RPS6KC1: variants seen among roughly 807,000 people sequenced by gnomAD.
The protein encoded by RPS6KC1 is inactive ribosomal protein S6 kinase delta-1.
A neutral mutation model predicts 103.8 loss-of-function variants in RPS6KC1; 54 were observed. That is an observed-to-expected ratio of 0.52 (90% CI 0.42 to 0.65). RPS6KC1 has a LOEUF of 0.65. Among genes scored for constraint, RPS6KC1 ranks in the 30% least tolerant of loss-of-function variants. RPS6KC1 has a pLI of 0.00. For synonymous variants in RPS6KC1, 439 were observed against 438.7 expected (o/e 1.00, Z -0.01); for missense variants, 1,151 against 1,253.8 (o/e 0.92, Z 1.24).
chr1:213,719,556 C>CG, the RPS6KC1 span, among the ~76,000 whole-genome samples: 2 of 138,406 alleles, frequency 1.4e-5, no homozygotes, highest in Admixed American at 1.5e-4. Context: ...TTTCTTAGTT[C>CG]GTTTTTTTTA....
At chr1:213,268,690 A>G (rs1231054224) in intron 14 of RPS6KC1, among the ~76,000 whole-genome samples, 1 of 150,972 alleles carries the variant, frequency 6.6e-6, no homozygotes, top group South Asian at 2.1e-4. Context: ...AAATATGACA[A>G]TAATAGACAA....
the RPS6KC1 span, among the ~76,000 whole-genome samples, chr1:213,495,307 T>C: frequency 6.6e-6 from 1 of 152,082 alleles, no homozygotes; most frequent in Admixed American, 6.6e-5. Flanking sequence ...TCTTCTAATA[T>C]GCACCCCCAC....
chr1:213,598,642 G>A, the RPS6KC1 span, among the ~76,000 whole-genome samples: 1 of 152,150 alleles, frequency 6.6e-6, no homozygotes, highest in African/African-American at 2.4e-5. Context: ...TTTAGGCCGG[G>A]TGTGGTGGCT....
At chr1:213,406,118 T>C in the RPS6KC1 span, among the ~76,000 whole-genome samples, 1 of 152,196 alleles carries the variant, frequency 6.6e-6, no homozygotes, top group African/African-American at 2.4e-5. Context: ...GAGGGGCCAG[T>C]GACCCGGAGT....
intron 8 of RPS6KC1, among the ~76,000 whole-genome samples, chr1:213,189,583 C>T (rs1342291709): frequency 2.6e-5 from 4 of 151,734 alleles, no homozygotes; most frequent in South Asian, 2.1e-4. Context: ...TACAGGGATG[C>T]AATGTGTAAT....
intron 7 of RPS6KC1, among the ~76,000 whole-genome samples, chr1:213,175,703 T>C (rs2091820607): frequency 6.6e-6 from 1 of 152,156 alleles, no homozygotes; most frequent in Admixed American, 6.5e-5. Context: ...ATCTTTTTTG[T>C]AGCTAACAGA....
the RPS6KC1 span, among the ~76,000 whole-genome samples, chr1:213,611,211 CCT>C: frequency 2.0e-5 from 3 of 152,182 alleles, no homozygotes; most frequent in East Asian, 5.8e-4. Flanking sequence ...AATGTTCTGG[CCT>C]CTCTGTCTCT....
chr1:213,741,016 A>G, the RPS6KC1 span, among the ~76,000 whole-genome samples: 3 of 148,790 alleles, frequency 2.0e-5, no homozygotes, highest in Non-Finnish European at 3.0e-5. Flanking sequence ...ATATATATAC[A>G]CACACATATG....
At chr1:213,216,643 T>TA (rs1271280612) in intron 8 of RPS6KC1, among the ~76,000 whole-genome samples, 1 of 152,134 alleles carries the variant, frequency 6.6e-6, no homozygotes, top group Non-Finnish European at 1.5e-5. Flanking sequence ...TCAGCAAATG[T>TA]AAAAGAACAG....
intron 4 of RPS6KC1, among the ~76,000 whole-genome samples, chr1:213,112,896 A>G (rs1230514290): frequency 6.6e-6 from 1 of 152,172 alleles, no homozygotes; most frequent in African/African-American, 2.4e-5. Context: ...ACATGAACTC[A>G]TCCTTTTTTA....
the RPS6KC1 span, among the ~76,000 whole-genome samples, chr1:213,726,109 G>C: frequency 6.6e-6 from 1 of 152,218 alleles, no homozygotes; most frequent in East Asian, 1.9e-4. Context: ...TTTAGAGACA[G>C]TGTCTTGTTC....
chr1:213,562,049 A>C, the RPS6KC1 span, among the ~76,000 whole-genome samples: 6 of 152,216 alleles, frequency 3.9e-5, no homozygotes, highest in African/African-American at 1.4e-4. Flanking sequence ...ATAAAATGCT[A>C]GCTGTTAGCA....
intron 1 of RPS6KC1, 63 bp downstream of exon 1, chr1:213,051,572 C>G (rs1362907313): frequency 1.6e-6 from 2 of 1,214,738 alleles, no homozygotes; most frequent in African/African-American, 3.0e-5. Context: ...GGGGTGGGGA[C>G]CCTGATGTGA....
the RPS6KC1 span, among the ~76,000 whole-genome samples, chr1:213,625,952 G>A: frequency 6.6e-6 from 1 of 152,066 alleles, no homozygotes; most frequent in Admixed American, 6.6e-5. Context: ...TCCAGTAATG[G>A]GATGGCTGGG....
intron 12 of RPS6KC1, among the ~76,000 whole-genome samples, chr1:213,245,030 A>G (rs1314278375): frequency 1.3e-5 from 2 of 152,216 alleles, no homozygotes; most frequent in African/African-American, 4.8e-5. Flanking sequence ...TGGCCTTAAC[A>G]GAAAAGTAAT....
chr1:213,362,008 A>G, the RPS6KC1 span, among the ~76,000 whole-genome samples: 1 of 152,202 alleles, frequency 6.6e-6, no homozygotes, highest in African/African-American at 2.4e-5. Context: ...GACAGATGGT[A>G]AATTATTTTA....
chr1:213,365,260 G>T, the RPS6KC1 span, among the ~76,000 whole-genome samples: 1 of 152,196 alleles, frequency 6.6e-6, no homozygotes, highest in Non-Finnish European at 1.5e-5. Context: ...CATAAACAGA[G>T]TTACCAAGGA....
the RPS6KC1 span, among the ~76,000 whole-genome samples, chr1:213,808,771 G>A: frequency 8.4e-4 from 128 of 152,318 alleles, no homozygotes; most frequent in African/African-American, 3.0e-3. Context: ...GCTCGCACAC[G>A]GTGCGCTGCA....
At chr1:213,492,486 G>T in the RPS6KC1 span, 1 of 152,200 alleles carries the variant, frequency 6.6e-6, no homozygotes, top group Admixed American at 6.5e-5. Context: ...TGTGCACATG[G>T]ATTTCTAATA....
Sources: gnomAD v4.1 joint callset for allele counts (sites outside exome capture counted in the v4.1 genomes callset) on GRCh38, gnomAD v4.1.1 for gene constraint, MANE v1.5 for transcripts, NCBI Gene and HGNC (gene_info 2026-07-23, HGNC 2026-07-21) for gene names.